NAA11: variants seen among roughly 807,000 people sequenced by gnomAD.
The protein encoded by NAA11 is N-alpha-acetyltransferase 11, NatA catalytic subunit, also known as N-alpha-acetyltransferase 11.
In NAA11, 15 loss-of-function variants were observed where a neutral mutation model predicts 16.1. The ratio of observed to expected loss-of-function variants is 0.93; its 90% CI spans 0.62 to 1.44. NAA11 has a LOEUF of 1.44. Among genes scored for constraint, NAA11 ranks in the 40% most tolerant of loss-of-function variants. The pLI is 0.00. For synonymous variants in NAA11, 122 were observed against 112.4 expected (o/e 1.09, Z -0.54); for missense variants, 298 against 291.3 (o/e 1.02, Z -0.17).
chr4:79,244,255 G>A (rs915496962), intron 2 of NAA11, among the ~76,000 whole-genome samples: 1 of 152,162 alleles, frequency 6.6e-6, no homozygotes, highest in Non-Finnish European at 1.5e-5. Context: ...GGGGCAGGGA[G>A]AGCCCTCTCC....
At chr4:79,301,352 A>T (rs1723375604) in intron 1 of NAA11, among the ~76,000 whole-genome samples, 1 of 152,210 alleles carries the variant, frequency 6.6e-6, no homozygotes, top group South Asian at 2.1e-4. Flanking sequence ...TTCCTTGAAT[A>T]GTCCTGTGCA....
chr4:79,237,351 G>A (rs1721591539), intron 2 of NAA11, among the ~76,000 whole-genome samples: 1 of 152,176 alleles, frequency 6.6e-6, no homozygotes, highest in Admixed American at 6.5e-5. Flanking sequence ...GGTTTTAAGT[G>A]GCTAAGACAC....
intron 1 of NAA11, chr4:79,307,065 T>A (rs1029919613): frequency 9.9e-5 from 15 of 152,244 alleles, no homozygotes; most frequent in Admixed American, 9.8e-4. Flanking sequence ...TCCATGCAGA[T>A]AAATCCCAGT....
chr4:79,303,787 G>A (rs1427449314), intron 1 of NAA11, among the ~76,000 whole-genome samples: 4 of 152,086 alleles, frequency 2.6e-5, no homozygotes, highest in African/African-American at 9.7e-5. Context: ...GATTGGCGTC[G>A]GAACCAAAAG....
intron 2 of NAA11, among the ~76,000 whole-genome samples, chr4:79,265,252 C>T (rs1299381404): frequency 6.6e-6 from 1 of 152,178 alleles, no homozygotes. Context: ...TGCTCCAACT[C>T]ACCCTCATTT....
At chr4:79,257,012 TATTTC>T (rs1277455523) in intron 2 of NAA11, among the ~76,000 whole-genome samples, 1 of 152,184 alleles carries the variant, frequency 6.6e-6, no homozygotes, top group Non-Finnish European at 1.5e-5. Context: ...ATTATATACA[TATTTC>T]ATTAACCCAA....
chr4:79,325,785 A>G lies in NAA11; in HGVS notation c.93T>C (p.Tyr31=), dbSNP rs555169118. 6.2e-7 allele frequency: 1 copy of G among 1,614,206 alleles called. No individual in the cohort carries two copies. Among genetic ancestry groups the G allele is most frequent in the African/African-American group, 1.3e-5 (1 of 75,064 alleles). Residue 31 remains tyrosine, a synonymous_variant, in exon 1 of 2, where the codon TAT becomes TAC. Transcript: ENST00000286794. ...GGGGCCAGGAAAGGCCATGATATAA[A>G]TAGTATTTCATCTGGTAGTTCTCAG... ...CLPENYQMKY[Y]LYHGLSWPQL... is the part of the protein sequence containing the mutation.
chr4:79,183,104 C>T, the NAA11 span, among the ~76,000 whole-genome samples: 1 of 152,240 alleles, frequency 6.6e-6, no homozygotes, highest in Non-Finnish European at 1.5e-5. Flanking sequence ...ATTAAAGCAA[C>T]TGCGTAGATC....
the NAA11 span, among the ~76,000 whole-genome samples, chr4:79,159,641 A>G: frequency 2.0e-5 from 3 of 152,270 alleles, no homozygotes; most frequent in Middle Eastern, 3.4e-3. Context: ...AGTTTCCTCC[A>G]TTTTTAAAAG....
chr4:79,268,567 C>A (rs17003699), intron 2 of NAA11, among the ~76,000 whole-genome samples: 5,005 of 152,128 alleles, frequency 0.033, 306 homozygotes, highest in African/African-American at 0.11. Context: ...AAAAGAAATA[C>A]TGACTCCAAA....
intron 2 of NAA11, among the ~76,000 whole-genome samples, chr4:79,254,367 T>C (rs1178874400): frequency 6.6e-6 from 1 of 152,218 alleles, no homozygotes; most frequent in Non-Finnish European, 1.5e-5. Context: ...GTTGGAGTTA[T>C]TAAATTCTCA....
chr4:79,158,197 G>A, the NAA11 span, among the ~76,000 whole-genome samples: 1 of 151,962 alleles, frequency 6.6e-6, no homozygotes, highest in Non-Finnish European at 1.5e-5. Flanking sequence ...CACTGTGCCC[G>A]GCCTATGATG....
intron 1 of NAA11, among the ~76,000 whole-genome samples, chr4:79,296,081 C>A (rs145189200): frequency 1.3e-5 from 2 of 152,220 alleles, no homozygotes; most frequent in East Asian, 3.9e-4. Flanking sequence ...AAACCAAATT[C>A]TTCCTTCTGA....
the NAA11 span, among the ~76,000 whole-genome samples, chr4:79,180,793 C>T: frequency 2.6e-5 from 4 of 152,098 alleles, no homozygotes; most frequent in African/African-American, 7.2e-5. Flanking sequence ...ATGTTTACTG[C>T]GGCACTATTC....
At chr4:79,320,523 TC>T (rs1223411178) in intron 1 of NAA11, among the ~76,000 whole-genome samples, 3 of 152,188 alleles carry the variant, frequency 2.0e-5, no homozygotes, top group Non-Finnish European at 4.4e-5. Flanking sequence ...CATGCAGCCC[TC>T]CCTGTGACAT....
intron 2 of NAA11, among the ~76,000 whole-genome samples, chr4:79,236,427 A>G (rs1721569760): frequency 1.3e-5 from 2 of 152,054 alleles, no homozygotes; most frequent in Admixed American, 1.3e-4. Flanking sequence ...AGGACTTCTT[A>G]TTTCAATTTG....
chr4:79,290,703 C>T (rs758558408), intron 2 of NAA11, among the ~76,000 whole-genome samples: 1 of 152,104 alleles, frequency 6.6e-6, no homozygotes, highest in Non-Finnish European at 1.5e-5. Context: ...TCTCAGATCC[C>T]ATATGGTAAG....
chr4:79,241,949 G>A (rs1184945893), intron 2 of NAA11, among the ~76,000 whole-genome samples: 1 of 152,206 alleles, frequency 6.6e-6, no homozygotes, highest in Non-Finnish European at 1.5e-5. Context: ...TTTATCCTTT[G>A]TAGTTGGCAT....
At chr4:79,166,996 C>T in the NAA11 span, among the ~76,000 whole-genome samples, 1 of 146,646 alleles carries the variant, frequency 6.8e-6, no homozygotes, top group African/African-American at 2.5e-5. Flanking sequence ...CCAGTTTTGT[C>T]TCTTATAGCT....
Sources: gnomAD v4.1 joint callset for allele counts (sites outside exome capture counted in the v4.1 genomes callset) on GRCh38, gnomAD v4.1.1 for gene constraint, MANE v1.5 for transcripts, NCBI Gene and HGNC (gene_info 2026-07-23, HGNC 2026-07-21) for gene names.